The following AUNIP variants were observed in gnomAD, a reference collection of about 807,000 sequenced individuals.
The protein encoded by AUNIP is aurora kinase A- and ninein-interacting protein.
In AUNIP, 16 loss-of-function variants were observed where a neutral mutation model predicts 12.2. The ratio of observed to expected loss-of-function variants is 1.31; its 90% confidence interval spans 0.88 to 1.99. The LOEUF (loss-of-function observed/expected upper bound fraction) is 1.99. Among genes scored for constraint, AUNIP ranks in the 30% most tolerant of loss-of-function variants. The pLI is 0.00. For synonymous variants in AUNIP, 142 were observed against 154.8 expected (o/e 0.92, Z 0.61); for missense variants, 411 against 419.1 (o/e 0.98, Z 0.17).
intron 1 of AUNIP, among the ~76,000 whole-genome samples, chr1:25,857,693 T>C (rs2048473792): frequency 6.6e-6 from 1 of 151,496 alleles, no homozygotes; most frequent in African/African-American, 2.4e-5. Flanking sequence ...TGAAACCCTG[T>C]CTCTACTAAA....
intron 1 of AUNIP, among the ~76,000 whole-genome samples, chr1:25,840,503 C>A (rs2048341250): frequency 6.6e-6 from 1 of 152,104 alleles, no homozygotes; most frequent in Non-Finnish European, 1.5e-5. Context: ...CTGTAACATT[C>A]TTTTTCAAAG....
At chr1:25,852,189 G>A (rs213649) in intron 1 of AUNIP, among the ~76,000 whole-genome samples, 42,788 of 151,710 alleles carry the variant, frequency 0.28, 7,580 homozygotes, top group African/African-American at 0.49. Flanking sequence ...CCTGGGTTCA[G>A]GGGATCCTCC....
At chr1:25,853,822 G>A (rs1041611609) in intron 1 of AUNIP, among the ~76,000 whole-genome samples, 1 of 152,152 alleles carries the variant, frequency 6.6e-6, no homozygotes, top group African/African-American at 2.4e-5. Context: ...ATGGAAGCTA[G>A]CTTTTCCCAG....
chr1:25,832,286 T>TAAGA (rs2048255700), downstream of AUNIP: 3 of 1,070,670 alleles, frequency 2.8e-6, no homozygotes, highest in Non-Finnish European at 4.0e-6. Context: ...GTTTAAAGGG[T>TAAGA]AAGAGAGAAG....
intron 1 of AUNIP, among the ~76,000 whole-genome samples, chr1:25,858,217 T>C (rs963231295): frequency 6.6e-6 from 1 of 152,194 alleles, no homozygotes; most frequent in Non-Finnish European, 1.5e-5. Context: ...ATTTCTTATC[T>C]ATAAAACCAG....
chr1:25,835,187 C>T lies in AUNIP; in HGVS notation c.880G>A (p.Gly294Ser). 6.2e-7 allele frequency: 1 copy of T among 1,614,184 alleles called. No individual in the cohort carries two copies. Among genetic ancestry groups the T allele is most frequent in the Non-Finnish European group, 8.5e-7 (1 of 1,180,034 alleles). ...GTGTTGTGGGCAATGACCCGCTGGC[C>T]TTGAGAATCTTCAGTGAAAAGTTGA... ...WSQLFTEDSQ[G>S]QRVIAHNTRA... The change falls in exon 3 of 3, where the codon GGC becomes AGC. Residue 294 changes from glycine to serine, a missense_variant. Transcript: ENST00000374298.
rs2048286550 is a variant in AUNIP, at chr1:25,834,832, T to C, written c.*161A>G. The C allele has an allele frequency of 4.8e-6, 7 of 1,456,270 alleles. No homozygotes were observed. In the South Asian group the frequency reaches 1.0e-4, roughly 21 times the overall value. 90.2% of individuals were successfully genotyped at this position (1,456,270 alleles called of 1,614,324 possible). A position where few individuals can be genotyped will look rare whatever the true frequency, so the allele number is the denominator to read the frequency against. On this transcript the variant is annotated 3_prime_UTR_variant, in exon 3 of 3. Transcript: ENST00000374298. Reference sequence around the variant, plus strand: ...GATGCCAATCCCACTGTCTTAACAATGGTACTGCCCTTTATTTACACAGAG... The same window carrying C: ...GATGCCAATCCCACTGTCTTAACAACGGTACTGCCCTTTATTTACACAGAG...
At chr1:25,844,250 G>T (rs996373473) in intron 1 of AUNIP, among the ~76,000 whole-genome samples, 2 of 152,122 alleles carry the variant, frequency 1.3e-5, no homozygotes, top group Non-Finnish European at 2.9e-5. Context: ...GGGATTATAG[G>T]TGTGCACCAC....
chr1:25,834,341 C>T lies in AUNIP; in HGVS notation c.*652G>A, dbSNP rs1254205795. The T allele has an allele frequency of 8.1e-6, 8 of 985,066 alleles. No individual in the cohort carries two copies. Among genetic ancestry groups the T allele is most frequent in the Non-Finnish European group, 7.2e-6 (6 of 829,912 alleles). 61.0% of individuals were successfully genotyped at this position (985,066 alleles called of 1,614,324 possible). On this transcript the variant is annotated 3_prime_UTR_variant, in exon 3 of 3. Transcript: ENST00000374298. ...TTAAAAGCTCACACATCTGGCTGGGCGCGGTGGCTTATGCCTGTAATCTCA... is the reference window on the plus strand; with the variant it reads ...TTAAAAGCTCACACATCTGGCTGGGTGCGGTGGCTTATGCCTGTAATCTCA...
intron 1 of AUNIP, among the ~76,000 whole-genome samples, chr1:25,850,279 TC>T (rs914661969): frequency 1.3e-5 from 2 of 152,198 alleles, no homozygotes; most frequent in Non-Finnish European, 2.9e-5. Flanking sequence ...GACTTTCAAT[TC>T]CTTTGATCTA....
chr1:25,842,270 G>A (rs2048352108), intron 1 of AUNIP, among the ~76,000 whole-genome samples: 1 of 152,238 alleles, frequency 6.6e-6, no homozygotes, highest in Non-Finnish European at 1.5e-5. Flanking sequence ...TGAGTGGTCT[G>A]GATAAATGAT....
chr1:25,837,593 T>G, intron 1 of AUNIP, 39 bp from the exon 2 acceptor site: 1 of 1,585,544 alleles, frequency 6.3e-7, no homozygotes, highest in South Asian at 1.1e-5. Context: ...AGCCTATTAA[T>G]ATTAAAAGAC....
rs748057926 is a variant in AUNIP at position 25,835,666 on chromosome 1, GGA to G, written c.399_400del (p.Pro134SerfsTer18). ...GTGGCCAGAAGTCTGGAGGGACTGA[GGA>G]GAGAGTCCAGCTTCCTGGATGTCTG... On this transcript the variant is annotated frameshift_variant, in exon 3 of 3. Coordinates refer to ENST00000374298, the MANE Select transcript of AUNIP (RefSeq NM_024037.3). LOFTEE classifies it low-confidence loss of function (END_TRUNC). The G allele has an allele frequency of 7.4e-6, 12 of 1,614,096 alleles. No homozygotes were observed. Among genetic ancestry groups the G allele is most frequent in the African/African-American group, 5.3e-5 (4 of 74,936 alleles).
chr1:25,855,914 TAGTG>T (rs985313248), intron 1 of AUNIP, among the ~76,000 whole-genome samples: 3 of 152,192 alleles, frequency 2.0e-5, no homozygotes, highest in African/African-American at 7.2e-5. Flanking sequence ...GAAATGGTGT[TAGTG>T]AGTATGGTCA....
intron 1 of AUNIP, among the ~76,000 whole-genome samples, chr1:25,854,319 A>AT (rs1480219718): frequency 6.6e-6 from 1 of 152,188 alleles, no homozygotes; most frequent in African/African-American, 2.4e-5. Flanking sequence ...GTGTGGACAT[A>AT]TTTTGAAACC....
Position 25,847,287 on chromosome 1 carries a change from A to G in AUNIP, c.79-9733T>C, listed in dbSNP as rs1185709589. Reference sequence around the variant, plus strand: ...TTTGTTTTGTTTTTTTTTGAGACGGAGTCTCACTCTGTCACCGAGGCTGGA... The same window carrying G: ...TTTGTTTTGTTTTTTTTTGAGACGGGGTCTCACTCTGTCACCGAGGCTGGA... On this transcript the variant is annotated intron_variant, in intron 1 of 2. Transcript: ENST00000374298. The surrounding 1 kb of genome is among the most constrained non-coding windows in gnomAD (Gnocchi z 4.2). Among the ~76,000 whole-genome samples, 1 of 151,858 alleles carries G rather than the reference A, an allele frequency of 6.6e-6. No individual in the cohort carries two copies. Among genetic ancestry groups the G allele is most frequent in the Non-Finnish European group, 1.5e-5 (1 of 67,978 alleles).
Position 25,834,670 on chromosome 1 carries a change from A to C in AUNIP, c.*323T>G. On this transcript the variant is annotated 3_prime_UTR_variant, in exon 3 of 3. Coordinates refer to ENST00000374298, the MANE Select transcript of AUNIP (RefSeq NM_024037.3). ...AGCAAGGTCCCAGTCAGACATCTGG[A>C]AGGGCAAAGAGATGGCTCTGTGCAG... 1.9e-6 allele frequency: 2 copies of C among 1,068,738 alleles called. No homozygotes were observed. Among genetic ancestry groups the C allele is most frequent in the Non-Finnish European group, 2.3e-6 (2 of 883,026 alleles). The allele number at this position is 1,068,738 out of a possible 1,614,324, so 66.2% of individuals were successfully genotyped here.
chr1:25,832,114 G>C, downstream of AUNIP: 1 of 1,605,040 alleles, frequency 6.2e-7, no homozygotes, highest in Non-Finnish European at 8.5e-7. Context: ...TGCCTCTTAA[G>C]GATAGATCTT....
intron 1 of AUNIP, among the ~76,000 whole-genome samples, chr1:25,858,572 T>C (rs2048481489): frequency 6.6e-6 from 1 of 152,234 alleles, no homozygotes; most frequent in Non-Finnish European, 1.5e-5. Context: ...CACTTTTGTT[T>C]CTTTACAGTG....
Sources: gnomAD v4.1 joint callset for allele counts (sites outside exome capture counted in the v4.1 genomes callset) on GRCh38, gnomAD v4.1.1 for gene constraint, Gnocchi (gnomAD v3.1) non-coding constraint, MANE v1.5 for transcripts, NCBI Gene and HGNC (gene_info 2026-07-23, HGNC 2026-07-21) for gene names.